The following MMP26 variants were observed in gnomAD, a reference collection of about 807,000 sequenced individuals.
MMP26 encodes matrix metallopeptidase 26, also known as matrix metalloproteinase-26.
A neutral mutation model predicts 31.0 loss-of-function variants in MMP26; 33 were observed. The observed-to-expected ratio is 1.06, with a 90% CI of 0.81 to 1.42. The LOEUF (loss-of-function observed/expected upper bound fraction) is 1.42. Among genes scored for constraint, MMP26 ranks in the 40% most tolerant of loss-of-function variants. MMP26 has a pLI of 0.00. For missense variants in MMP26, 347 were observed against 316.1 expected, an observed-to-expected ratio of 1.10 and a Z score of -0.74; for synonymous variants, 122 against 114.9, an observed-to-expected ratio of 1.06 and a Z score of -0.40.
At chr11:4,931,690 A>G (rs750351652) in intron 2 of MMP26, among the ~76,000 whole-genome samples, 4 of 152,092 alleles carry the variant, frequency 2.6e-5, no homozygotes, top group Non-Finnish European at 4.4e-5. Context: ...AAAAGTAGCA[A>G]AAATACTGAA....
intron 2 of MMP26, among the ~76,000 whole-genome samples, chr11:4,793,613 C>T (rs1393044413): frequency 6.6e-6 from 1 of 152,120 alleles, no homozygotes; most frequent in Non-Finnish European, 1.5e-5. Flanking sequence ...GATCCTTGCT[C>T]TTCAAGGGTT....
chr11:4,809,107 G>A (rs902856822), intron 2 of MMP26, among the ~76,000 whole-genome samples: 1 of 151,850 alleles, frequency 6.6e-6, no homozygotes, highest in Admixed American at 6.6e-5. Flanking sequence ...CTAAAAGGTA[G>A]GAAAAGAAAG....
chr11:4,914,027 A>G (rs1851033641), intron 2 of MMP26: 1 of 152,244 alleles, frequency 6.6e-6, no homozygotes, highest in South Asian at 2.1e-4. Flanking sequence ...TGTCTTAAAA[A>G]TATTTATTTT....
intron 2 of MMP26, among the ~76,000 whole-genome samples, chr11:4,918,448 A>C (rs976161467): frequency 1.3e-5 from 2 of 152,184 alleles, no homozygotes; most frequent in Admixed American, 1.3e-4. Flanking sequence ...GGAATCAGAG[A>C]GAATAATGAG....
chr11:4,819,002 G>A (rs966207184), intron 2 of MMP26, among the ~76,000 whole-genome samples: 9 of 152,080 alleles, frequency 5.9e-5, no homozygotes, highest in Non-Finnish European at 1.2e-4. Flanking sequence ...AGAGGTGTTG[G>A]TTAAAAAATA....
At chr11:4,916,180 G>C (rs1851088157) in intron 2 of MMP26, among the ~76,000 whole-genome samples, 1 of 152,054 alleles carries the variant, frequency 6.6e-6, no homozygotes, top group South Asian at 2.1e-4. Flanking sequence ...TGTGGGAGGA[G>C]GGAGAATTCA....
chr11:4,918,361 T>G (rs74841733), intron 2 of MMP26, among the ~76,000 whole-genome samples: 2,462 of 152,256 alleles, frequency 0.016, 71 homozygotes, highest in African/African-American at 0.056. Flanking sequence ...TCACATCTTT[T>G]TTTCCTATAA....
At chr11:4,947,167 A>G in intron 2 of MMP26, 2 of 1,060,726 alleles carry the variant, frequency 1.9e-6, no homozygotes, top group Non-Finnish European at 2.7e-6. Context: ...GAATATCTGT[A>G]AATTTAGTAG....
chr11:4,783,423 A>G (rs1848892362), intron 2 of MMP26, among the ~76,000 whole-genome samples: 1 of 152,168 alleles, frequency 6.6e-6, no homozygotes. Context: ...TATTTACCCA[A>G]TGCCTGTACC....
At chr11:4,973,959 C>G (rs910373206) in intron 2 of MMP26, 3 of 151,856 alleles carry the variant, frequency 2.0e-5, no homozygotes, top group Admixed American at 2.0e-4. Flanking sequence ...GGCTCAAATG[C>G]CTGGCTCTAT....
At chr11:4,707,144 C>G (rs951796927) in intron 1 of MMP26, among the ~76,000 whole-genome samples, 1 of 152,180 alleles carries the variant, frequency 6.6e-6, no homozygotes, top group African/African-American at 2.4e-5. Context: ...TACATTCTCT[C>G]CAACTGTGTA....
intron 1 of MMP26, among the ~76,000 whole-genome samples, chr11:4,720,624 C>A (rs1001440422): frequency 1.2e-4 from 18 of 152,152 alleles, no homozygotes; most frequent in African/African-American, 4.3e-4. Context: ...ACCTTGGGAA[C>A]AAAGAGAAGA....
rs780414495 is a variant in MMP26 at position 4,908,185 on chromosome 11, G to A, written c.-144-79883G>A. 124 of 1,614,158 alleles carry A rather than the reference G, an allele frequency of 7.7e-5. 2 individuals carry two copies. In the South Asian group the frequency reaches 1.1e-3, roughly 14 times the overall value. ...CCAAGCACAAAAGCCCTCTTGTTGTGATCCTTATTGCAGATATGTTCTTGT... is the reference window on the plus strand; with the variant it reads ...CCAAGCACAAAAGCCCTCTTGTTGTAATCCTTATTGCAGATATGTTCTTGT... On this transcript the variant is annotated intron_variant, in intron 2 of 7. Transcript: ENST00000380390.
At chr11:4,923,708 A>G (rs1314285632) in intron 2 of MMP26, 2 of 1,614,098 alleles carry the variant, frequency 1.2e-6, no homozygotes, top group African/African-American at 1.3e-5. Flanking sequence ...CAGGGAGTCC[A>G]CACCCACGGT....
chr11:4,769,789 C>G (rs1848690297), intron 2 of MMP26: 1 of 1,613,356 alleles, frequency 6.2e-7, no homozygotes. Flanking sequence ...TCACGCTGTT[C>G]CCAGAGAGGG....
intron 2 of MMP26, among the ~76,000 whole-genome samples, chr11:4,815,251 A>G (rs1213893519): frequency 6.6e-6 from 1 of 152,172 alleles, no homozygotes; most frequent in East Asian, 1.9e-4. Flanking sequence ...CATTTGTCTC[A>G]GGTGAGCAAA....
intron 2 of MMP26, chr11:4,832,499 G>A (rs1849660119): frequency 6.6e-6 from 1 of 152,524 alleles, no homozygotes; most frequent in South Asian, 2.1e-4. Context: ...CATGTCCTTT[G>A]ATCACTTAGT....
chr11:4,990,587 G>T lies in MMP26; in HGVS notation c.321-11G>T, dbSNP rs377614316. The stretch of plus-strand genomic sequence containing the variant: ...CTCTGAACTATTTCATTTAGAGATT[G>T]CTTTCCTCAGGATTATCAATTACCC... On this transcript the variant is annotated splice_polypyrimidine_tract_variant and intron_variant, in intron 4 of 7. Transcript: ENST00000380390. 1.4e-4 allele frequency: 230 copies of T among 1,607,088 alleles called. No homozygotes were observed. The highest frequency in any genetic ancestry group is 1.0e-3 in the Middle Eastern group (6 of 6,030).
intron 2 of MMP26, among the ~76,000 whole-genome samples, chr11:4,896,770 C>T (rs376712744): frequency 1.8e-4 from 28 of 152,124 alleles, no homozygotes; most frequent in Non-Finnish European, 3.1e-4. Context: ...TATCCACTTA[C>T]GCAAACAAGT....
Sources: allele counts gnomAD v4.1 joint callset (sites outside exome capture counted in the v4.1 genomes callset), GRCh38; gene constraint gnomAD v4.1.1; transcripts MANE v1.5; gene names NCBI Gene and HGNC (gene_info 2026-07-23, HGNC 2026-07-21).